PTPRM: variants seen among roughly 807,000 people sequenced by gnomAD.
The protein encoded by PTPRM is protein tyrosine phosphatase receptor type M, also known as receptor-type tyrosine-protein phosphatase mu.
In PTPRM, 47 loss-of-function variants were observed where a neutral mutation model predicts 186.7. That is an observed-to-expected ratio of 0.25 (90% confidence interval 0.20 to 0.32). The LOEUF (loss-of-function observed/expected upper bound fraction) is 0.32. Among genes scored for constraint, PTPRM ranks in the 10% least tolerant of loss-of-function variants. The pLI, the probability that PTPRM is intolerant of heterozygous loss-of-function variation, is 1.00. For synonymous variants in PTPRM, 668 were observed against 674.9 expected, an observed-to-expected ratio of 0.99 and a Z score of 0.16; for missense variants, 1,494 against 1,865.0, an observed-to-expected ratio of 0.80 and a Z score of 3.66.
rs369721759 is a variant in PTPRM at position 8,379,205 on chromosome 18, C to T, written c.3651C>T (p.Asp1217=). The T allele has an allele frequency of 1.2e-5, 19 of 1,613,612 alleles. No individual in the cohort carries two copies. The African/African-American group carries it at 2.5e-4, about 22-fold the overall frequency. Residue 1217 remains aspartate (D), a synonymous_variant, in exon 28 of 33, where the codon GAC becomes GAT. Transcript: ENST00000580170. The stretch of plus-strand genomic sequence containing the variant: ...TGACACCAACGCTGCGAGTAGAGGA[C>T]TGCAGCATCGCACTGTTGCCCCGGA... ...NMVTPTLRVE[D]CSIALLPRNH...
At chr18:7,864,429 C>T (rs1287766660) in intron 2 of PTPRM, among the ~76,000 whole-genome samples, 1 of 152,148 alleles carries the variant, frequency 6.6e-6, no homozygotes, top group African/African-American at 2.4e-5. Flanking sequence ...GGCCAGTTTC[C>T]CCAACACCAT....
At chr18:7,711,494 C>A (rs1472110441) in intron 1 of PTPRM, among the ~76,000 whole-genome samples, 1 of 152,112 alleles carries the variant, frequency 6.6e-6, no homozygotes, top group Non-Finnish European at 1.5e-5. Context: ...CCATTCACTC[C>A]CCTGGAAAAG....
At chr18:7,615,989 G>A (rs768591890) in intron 1 of PTPRM, among the ~76,000 whole-genome samples, 2 of 152,072 alleles carry the variant, frequency 1.3e-5, no homozygotes, top group Non-Finnish European at 2.9e-5. Flanking sequence ...ATCTGACACT[G>A]CTGCTGATCT....
chr18:7,612,762 T>A (rs2037707024), intron 1 of PTPRM, among the ~76,000 whole-genome samples: 1 of 152,214 alleles, frequency 6.6e-6, no homozygotes, highest in Non-Finnish European at 1.5e-5. Context: ...TCTTTCATTT[T>A]GGCTTCAGGG....
At chr18:7,613,936 C>T (rs1278587917) in intron 1 of PTPRM, among the ~76,000 whole-genome samples, 2 of 152,112 alleles carry the variant, frequency 1.3e-5, no homozygotes, top group Non-Finnish European at 2.9e-5. Context: ...TAAGGCTTAA[C>T]ATTTATAGTC....
At chr18:8,371,080 A>G in intron 24 of PTPRM, 74 bp downstream of exon 24, 1 of 839,374 alleles carries the variant, frequency 1.2e-6, no homozygotes, top group South Asian at 1.9e-5. Context: ...TAACTTACCT[A>G]GGATACTTTA....
chr18:8,223,589 CTA>C (rs1225398659), intron 14 of PTPRM, among the ~76,000 whole-genome samples: 1 of 152,150 alleles, frequency 6.6e-6, no homozygotes, highest in Non-Finnish European at 1.5e-5. Context: ...TGCAGCATGC[CTA>C]TCACCAGCCA....
At chr18:7,963,780 A>C (rs939641492) in intron 7 of PTPRM, among the ~76,000 whole-genome samples, 8 of 152,310 alleles carry the variant, frequency 5.3e-5, no homozygotes, top group African/African-American at 1.9e-4. Context: ...TCCTTGTTCT[A>C]GGGATCTGAC....
chr18:8,046,574 A>G (rs2087074533), intron 7 of PTPRM, among the ~76,000 whole-genome samples: 1 of 152,096 alleles, frequency 6.6e-6, no homozygotes, highest in Non-Finnish European at 1.5e-5. Context: ...GGGACGAAGT[A>G]TGATTCCCTA....
intron 22 of PTPRM, among the ~76,000 whole-genome samples, chr18:8,337,662 A>C (rs1015604559): frequency 1.3e-5 from 2 of 151,872 alleles, no homozygotes; most frequent in Non-Finnish European, 2.9e-5. Flanking sequence ...GGGAGCCTCC[A>C]CTTGGGTCTT....
intron 1 of PTPRM, among the ~76,000 whole-genome samples, chr18:7,614,768 T>C (rs2037760953): frequency 6.6e-6 from 1 of 152,232 alleles, no homozygotes; most frequent in Admixed American, 6.5e-5. Flanking sequence ...CGATGTGCTG[T>C]CAGTCTTGAG....
chr18:8,384,794 G>A, intron 30 of PTPRM, 108 bp downstream of exon 30: 2 of 1,421,574 alleles, frequency 1.4e-6, no homozygotes, highest in Non-Finnish European at 1.9e-6. Flanking sequence ...GGAGTTTGGA[G>A]TATGTCAGTG....
chr18:7,705,375 A>C (rs73391511), intron 1 of PTPRM, among the ~76,000 whole-genome samples: 14,636 of 150,064 alleles, frequency 0.098, 980 homozygotes, highest in African/African-American at 0.19. Flanking sequence ...CTCTCTCTCT[A>C]TCTTCCTATC....
intron 2 of PTPRM, chr18:7,814,040 T>A (rs2145518079): frequency 6.6e-6 from 1 of 152,402 alleles, no homozygotes; most frequent in Non-Finnish European, 1.5e-5. Context: ...TTGCTGCTTC[T>A]CTTTCTTGGT....
chr18:7,784,008 C>T (rs988626210), intron 2 of PTPRM, among the ~76,000 whole-genome samples: 45 of 152,002 alleles, frequency 3.0e-4, no homozygotes, highest in African/African-American at 8.7e-4. Context: ...TGGATGGTGA[C>T]GTTAGAAGAT....
At chr18:7,659,647 C>T (rs1389212107) in intron 1 of PTPRM, among the ~76,000 whole-genome samples, 1 of 152,182 alleles carries the variant, frequency 6.6e-6, no homozygotes, top group Admixed American at 6.5e-5. Context: ...TTCCTGCTTC[C>T]CGTCTTCCTA....
intron 7 of PTPRM, among the ~76,000 whole-genome samples, chr18:8,018,430 C>G (rs2085009753): frequency 6.6e-6 from 1 of 152,206 alleles, no homozygotes; most frequent in Non-Finnish European, 1.5e-5. Context: ...ACGCACCCCT[C>G]ATTGTCACAG....
At chr18:8,154,187 G>A (rs781587067) in intron 14 of PTPRM, among the ~76,000 whole-genome samples, 10 of 152,278 alleles carry the variant, frequency 6.6e-5, no homozygotes, top group African/African-American at 1.7e-4. Context: ...AAGGGAAGCC[G>A]TAGGGAAATG....
rs979091229 is a variant in PTPRM, at chr18:8,261,243, A to T, written c.2754+7829A>T. ...AAAACCAAACCATTGAAGGCTAAGG[A>T]TGGGGAGCTGGGGGTGGGGAGGCAC... On this transcript the variant is annotated intron_variant, in intron 19 of 32. Coordinates refer to ENST00000580170, the MANE Select transcript of PTPRM (RefSeq NM_001105244.2). 2.6e-5 allele frequency among the ~76,000 whole-genome samples: 4 copies of T among 152,162 alleles called. No homozygotes were observed. The East Asian group carries it at 5.8e-4, about 22-fold the overall frequency.
Sources: gnomAD v4.1 joint callset for allele counts (sites outside exome capture counted in the v4.1 genomes callset) on GRCh38, gnomAD v4.1.1 for gene constraint, MANE v1.5 for transcripts, NCBI Gene and HGNC (gene_info 2026-07-23, HGNC 2026-07-21) for gene names.